Variants in RBFOX1 observed in about 807,000 individuals in gnomAD.
RBFOX1 encodes RNA binding fox-1 homolog 1.
A neutral mutation model predicts 57.7 loss-of-function variants in RBFOX1; 8 were observed. That is an observed-to-expected ratio of 0.14 (90% CI 0.08 to 0.25). The LOEUF (loss-of-function observed/expected upper bound fraction) is 0.25, where lower values mean the gene tolerates loss of function less well. RBFOX1 is among the 10% of genes least tolerant of loss of function. The pLI is 1.00. For missense variants in RBFOX1, 611 were observed against 548.5 expected, an observed-to-expected ratio of 1.11 and a Z score of -1.14; for synonymous variants, 326 against 222.4, an observed-to-expected ratio of 1.47 and a Z score of -4.15.
rs554683828 is a variant in RBFOX1, at chr16:5,412,252, C to T, written c.220-54964C>T. ...CCACCTGTCTCCAGTCTTTAGAATC[C>T]TCATCTCTGAGTTAGGAACACCAAC... On this transcript the variant is annotated intron_variant, in intron 1 of 2. Coordinates refer to the RBFOX1 transcript ENST00000585867. 4.5e-3 allele frequency among the ~76,000 whole-genome samples: 493 copies of T among 109,092 alleles called. 1 individual carries two copies. Among genetic ancestry groups the T allele is most frequent in the African/African-American group, 0.016 (464 of 29,612 alleles). The allele number at this position is 109,092 out of a possible 152,430, so 71.6% of individuals were successfully genotyped here.
At chr16:6,962,420 C>G (rs969077778) in intron 3 of RBFOX1, among the ~76,000 whole-genome samples, 1 of 152,168 alleles carries the variant, frequency 6.6e-6, no homozygotes, top group African/African-American at 2.4e-5. Flanking sequence ...CCTGCTACAA[C>G]CTGTGCAACT....
At chr16:7,328,131 A>T (rs1295328572) in intron 4 of RBFOX1, among the ~76,000 whole-genome samples, 1 of 152,110 alleles carries the variant, frequency 6.6e-6, no homozygotes, top group Admixed American at 6.5e-5. Context: ...CAGCCTCCAG[A>T]GTGGCGGAGA....
intron 4 of RBFOX1, among the ~76,000 whole-genome samples, chr16:7,264,714 A>G (rs544344899): frequency 6.6e-6 from 1 of 151,716 alleles, no homozygotes; most frequent in African/African-American, 2.4e-5. Context: ...TTTTTTTTTT[A>G]AAAAAATGTA....
rs538443527 is a variant in RBFOX1 at position 6,745,398 on chromosome 16, T to A, written c.-16+90748T>A. On this transcript the variant is annotated intron_variant, in intron 3 of 15. Coordinates refer to ENST00000550418, the MANE Select transcript of RBFOX1 (RefSeq NM_018723.4). ...TTCCTCATGAATACCTATGTGAAAATTCTAAAACAACAAGCAAATGAAATC... is the reference window on the plus strand; with the variant it reads ...TTCCTCATGAATACCTATGTGAAAAATCTAAAACAACAAGCAAATGAAATC... 2.0e-5 allele frequency among the ~76,000 whole-genome samples: 3 copies of A among 152,104 alleles called. No homozygotes were observed. The East Asian group carries it at 5.8e-4, about 29-fold the overall frequency.
chr16:7,209,229 G>T (rs566718748), intron 4 of RBFOX1, among the ~76,000 whole-genome samples: 1 of 151,810 alleles, frequency 6.6e-6, no homozygotes, highest in African/African-American at 2.4e-5. Flanking sequence ...CAGCTACTTG[G>T]GAGACTGAGG....
intron 9 of RBFOX1, among the ~76,000 whole-genome samples, chr16:7,602,323 C>A (rs987053178): frequency 6.6e-6 from 1 of 152,196 alleles, no homozygotes. Context: ...GCTTGCGTAT[C>A]TGATACAGAG....
chr16:6,410,157 G>A (rs938783357), intron 2 of RBFOX1, among the ~76,000 whole-genome samples: 2 of 125,468 alleles, frequency 1.6e-5, no homozygotes, highest in Non-Finnish European at 3.3e-5. Flanking sequence ...AGAGTTTTAA[G>A]CATCATAAGG....
intron 1 of RBFOX1, among the ~76,000 whole-genome samples, chr16:6,239,225 T>C (rs1156502107): frequency 6.6e-6 from 1 of 152,124 alleles, no homozygotes; most frequent in Non-Finnish European, 1.5e-5. Flanking sequence ...ATGATGGTCA[T>C]CTTGTGCTTT....
chr16:7,420,957 A>T (rs2098536843), intron 4 of RBFOX1, among the ~76,000 whole-genome samples: 1 of 149,032 alleles, frequency 6.7e-6, no homozygotes, highest in Non-Finnish European at 1.5e-5. Context: ...ACACACACAC[A>T]CACATATATA....
intron 3 of RBFOX1, among the ~76,000 whole-genome samples, chr16:5,683,321 C>T (rs557090304): frequency 2.0e-5 from 3 of 152,230 alleles, no homozygotes; most frequent in South Asian, 2.1e-4. Flanking sequence ...TGTAACCTCC[C>T]TTAGGTGAGA....
At chr16:6,651,127 C>T (rs1016888966) in intron 2 of RBFOX1, among the ~76,000 whole-genome samples, 1 of 152,172 alleles carries the variant, frequency 6.6e-6, no homozygotes, top group Non-Finnish European at 1.5e-5. Context: ...ATCTCAAACA[C>T]CTGACCTCAG....
intron 4 of RBFOX1, among the ~76,000 whole-genome samples, chr16:7,387,760 G>T (rs909305835): frequency 2.6e-5 from 4 of 152,138 alleles, no homozygotes; most frequent in Non-Finnish European, 5.9e-5. Context: ...ACAATCCCAT[G>T]AACAGCAAAG....
At chr16:7,563,155 G>T (rs2090826220) in intron 5 of RBFOX1, among the ~76,000 whole-genome samples, 1 of 152,202 alleles carries the variant, frequency 6.6e-6, no homozygotes, top group African/African-American at 2.4e-5. Flanking sequence ...AATGTGAAGA[G>T]ATTAATAGAA....
chr16:5,650,723 C>T (rs1027334622), intron 3 of RBFOX1, among the ~76,000 whole-genome samples: 5 of 152,082 alleles, frequency 3.3e-5, no homozygotes, highest in African/African-American at 9.7e-5. Flanking sequence ...CTCTGTCTTC[C>T]CTTGCCTCTC....
chr16:6,042,077 G>GTT (rs1250837798), intron 1 of RBFOX1, among the ~76,000 whole-genome samples: 2 of 150,692 alleles, frequency 1.3e-5, no homozygotes, highest in Non-Finnish European at 2.9e-5. Flanking sequence ...CATCTCCACA[G>GTT]TCTCATCTCC....
intron 4 of RBFOX1, among the ~76,000 whole-genome samples, chr16:6,006,171 C>A (rs2094925897): frequency 6.6e-6 from 1 of 152,116 alleles, no homozygotes; most frequent in Non-Finnish European, 1.5e-5. Flanking sequence ...GGTAATAGCA[C>A]CCGGTTTCCT....
At chr16:6,858,650 A>C (rs902889271) in intron 3 of RBFOX1, among the ~76,000 whole-genome samples, 1 of 152,154 alleles carries the variant, frequency 6.6e-6, no homozygotes, top group Non-Finnish European at 1.5e-5. Context: ...GAGACATATC[A>C]CTAATCTCTA....
At chr16:5,626,314 C>T (rs2048350014) in intron 3 of RBFOX1, among the ~76,000 whole-genome samples, 1 of 152,170 alleles carries the variant, frequency 6.6e-6, no homozygotes, top group Non-Finnish European at 1.5e-5. Context: ...TTGTGGATGA[C>T]CGTCTTCTCC....
intron 3 of RBFOX1, among the ~76,000 whole-genome samples, chr16:6,899,020 T>TATA (rs139806149): frequency 3.6e-4 from 7 of 19,522 alleles, no homozygotes; most frequent in South Asian, 5.6e-3. Context: ...TGCGCGTCTC[T>TATA]GTGTGTGTGT....
Sources: allele counts gnomAD v4.1 joint callset (sites outside exome capture counted in the v4.1 genomes callset), GRCh38; gene constraint gnomAD v4.1.1; transcripts MANE v1.5; gene names NCBI Gene and HGNC (gene_info 2026-07-23, HGNC 2026-07-21).